USP34: variants seen among roughly 807,000 people sequenced by gnomAD.
USP34 encodes the protein ubiquitin specific peptidase 34.
A neutral mutation model predicts 460.3 loss-of-function variants in USP34; 70 were observed. The observed-to-expected ratio is 0.15, with a 90% confidence interval of 0.13 to 0.19. The LOEUF is 0.19. Ranked by LOEUF, USP34 falls within the 10% of genes least tolerant of loss-of-function variation. USP34 has a pLI of 1.00. For synonymous variants in USP34, 1,647 were observed against 1,405.3 expected, an observed-to-expected ratio of 1.17 and a Z score of -3.85; for missense variants, 3,985 against 4,236.2, an observed-to-expected ratio of 0.94 and a Z score of 1.65.
chr2:61,189,484 T>C (rs955556201), intron 78 of USP34: 4 of 26,130 alleles, frequency 1.5e-4, no homozygotes, highest in Non-Finnish European at 2.5e-4. Flanking sequence ...ATGTTGGCCA[T>C]TGAGATGGTC....
intron 1 of USP34, among the ~76,000 whole-genome samples, chr2:61,441,333 A>G (rs1694957628): frequency 6.6e-6 from 1 of 152,026 alleles, no homozygotes. Flanking sequence ...TCACCCAGGC[A>G]GGTTAAACCT....
chr2:61,229,761 G>T (rs1687838210), intron 58 of USP34, 128 bp from the exon 59 acceptor site: 1 of 733,170 alleles, frequency 1.4e-6, no homozygotes, highest in African/African-American at 1.8e-5. Flanking sequence ...GTATTCTGGA[G>T]CTCTTCTGGA....
At chr2:61,251,403 A>G (rs984890770) in intron 48 of USP34, among the ~76,000 whole-genome samples, 3 of 152,216 alleles carry the variant, frequency 2.0e-5, no homozygotes, top group African/African-American at 7.2e-5. Flanking sequence ...ATTGTAGAAA[A>G]TATTGTTTAA....
At chr2:61,394,760 A>T in intron 5 of USP34, 93 bp downstream of exon 5, 2 of 1,055,418 alleles carry the variant, frequency 1.9e-6, no homozygotes, top group Non-Finnish European at 2.5e-6. Context: ...CATGCAAATC[A>T]TTCAAAACCT....
chr2:61,443,605 G>T (rs1017386577), intron 1 of USP34, among the ~76,000 whole-genome samples: 2 of 152,096 alleles, frequency 1.3e-5, no homozygotes, highest in Non-Finnish European at 2.9e-5. Context: ...TTTCAACTAT[G>T]TGATGTAGTA....
intron 6 of USP34, among the ~76,000 whole-genome samples, chr2:61,381,850 G>A (rs1572986642): frequency 6.6e-6 from 1 of 152,130 alleles, no homozygotes; most frequent in East Asian, 1.9e-4. Context: ...ATTTGCCAGT[G>A]CCATTTAAGT....
intron 41 of USP34, among the ~76,000 whole-genome samples, chr2:61,270,745 A>G (rs1258578489): frequency 3.9e-5 from 6 of 152,058 alleles, no homozygotes; most frequent in East Asian, 1.9e-4. Flanking sequence ...CCAGTTTACA[A>G]TATTTTATTA....
rs1050339096 is a variant in USP34, at chr2:61,364,943, A to G, written c.1251+5378T>C. Among the ~76,000 whole-genome samples, 4 of 151,558 alleles carry G rather than the reference A, an allele frequency of 2.6e-5. No individual in the cohort carries two copies. In the East Asian group the frequency reaches 5.8e-4, roughly 22 times the overall value. On this transcript the variant is annotated intron_variant, in intron 10 of 79. Coordinates refer to ENST00000398571, the MANE Select transcript of USP34 (RefSeq NM_014709.4). ...AGACTCTGTCTCAAAAAAATAATTT[A>G]AAAATATAAATAAATAAATAAATAA...
chr2:61,374,131 G>A (rs1409760251), intron 8 of USP34, among the ~76,000 whole-genome samples: 1 of 150,090 alleles, frequency 6.7e-6, no homozygotes, highest in Admixed American at 6.6e-5. Flanking sequence ...ACTTCAGCCT[G>A]GGCAATAGAG....
In USP34 at chr2:61,375,768, C is replaced by CAAAAAA. The variant is rs56304309; in HGVS notation, c.1076+2589_1076+2594dup. ...TGGGTGACAGACCAAGACTCTGTCT[C>CAAAAAA]AAAAAAAAAAAAAAAAAAAAAAAAA... On this transcript the variant is annotated intron_variant, in intron 8 of 79. Transcript: ENST00000398571. 7.3e-4 allele frequency among the ~76,000 whole-genome samples: 59 copies of CAAAAAA among 80,864 alleles called. 3 individuals are homozygous for CAAAAAA. Among genetic ancestry groups the CAAAAAA allele is most frequent in the African/African-American group, 2.5e-3 (57 of 23,188 alleles). 53.0% of individuals were successfully genotyped at this position (80,864 alleles called of 152,430 possible).
At chr2:61,334,080 A>AT (rs945950250) in intron 18 of USP34, 109 bp from the exon 19 acceptor site, 17 of 662,996 alleles carry the variant, frequency 2.6e-5, no homozygotes, top group Non-Finnish European at 3.0e-5. Flanking sequence ...GCATAGAGAC[A>AT]TATTATTACA....
intron 6 of USP34, among the ~76,000 whole-genome samples, chr2:61,382,040 T>C (rs537832762): frequency 6.6e-6 from 1 of 152,318 alleles, no homozygotes; most frequent in South Asian, 2.1e-4. Flanking sequence ...TTATTTTCAC[T>C]TACATTCATC....
At chr2:61,451,220 CAAAAAAAAAA>C (rs70963432) in intron 1 of USP34, among the ~76,000 whole-genome samples, 1,625 of 50,842 alleles carry the variant, frequency 0.032, 62 homozygotes, top group East Asian at 0.059. Flanking sequence ...GGCTTCATCT[CAAAAAAAAAA>C]AAAAAAAAAA....
rs1003224694 is a variant in USP34, at chr2:61,244,749, T to G, written c.6627+461A>C. Among the ~76,000 whole-genome samples the G allele has an allele frequency of 3.3e-5, 5 of 152,204 alleles. No individual in the cohort carries two copies. In the East Asian group the frequency reaches 7.7e-4, roughly 23 times the overall value. ...CACTGAAAGAACAATCCTTTAAAAC[T>G]TAGCTCAAGCCAACTTCCTTGCCAA... On this transcript the variant is annotated intron_variant, in intron 51 of 79. Transcript: ENST00000398571.
At chr2:61,314,550 A>C (rs750921384) in intron 25 of USP34, 35 bp downstream of exon 25, 2 of 1,396,582 alleles carry the variant, frequency 1.4e-6, no homozygotes, top group South Asian at 4.1e-5. Flanking sequence ...ATAAAAATGA[A>C]ATTCATTCTA....
chr2:61,258,600 T>C (rs1347439646), intron 44 of USP34, among the ~76,000 whole-genome samples: 1 of 151,898 alleles, frequency 6.6e-6, no homozygotes, highest in East Asian at 1.9e-4. Context: ...AGCAGGGTGA[T>C]GGGCTCCAAA....
chr2:61,325,434 T>A lies in USP34; in HGVS notation c.2954A>T (p.Gln985Leu). 5 of 1,553,646 alleles carry A rather than the reference T, an allele frequency of 3.2e-6. No homozygotes were observed. Among genetic ancestry groups the A allele is most frequent in the Non-Finnish European group, 4.3e-6 (5 of 1,159,682 alleles). ...HALYSHSAEV[Q>L]VRLQFLTCVF... is the part of the protein sequence containing the mutation. The stretch of plus-strand genomic sequence containing the variant: ...ACAAGTCAAGAATTGAAGACGAACT[T>A]GAACTTCAGCACTATGGCTGTACCT... The change falls in exon 21 of 80, where the codon CAA becomes CTA. Residue 985 changes from glutamine to leucine, a missense_variant. By Grantham distance (113) the Gln-to-Leu change is moderately radical (BLOSUM62 -2). Coordinates refer to ENST00000398571, the MANE Select transcript of USP34 (RefSeq NM_014709.4).
Position 61,348,595 on chromosome 2 carries a change from G to C in USP34, c.1675-115C>G, listed in dbSNP as rs1341112831. 3.4e-6 allele frequency: 5 copies of C among 1,449,536 alleles called. No homozygotes were observed. In the East Asian group the frequency reaches 7.2e-5, roughly 21 times the overall value. 89.8% of individuals were successfully genotyped at this position (1,449,536 alleles called of 1,614,324 possible). On this transcript the variant is annotated intron_variant, in intron 14 of 79. Transcript: ENST00000398571. ...GCTGCCAGTCTTGTTATACTCCTTT[G>C]AACAATACAAAATGGAATTAAAAAC...
intron 19 of USP34, among the ~76,000 whole-genome samples, chr2:61,332,414 C>T (rs1344767587): frequency 2.0e-5 from 3 of 151,898 alleles, no homozygotes; most frequent in African/African-American, 7.2e-5. Flanking sequence ...GTGAATTTTC[C>T]TTAATTAAGC....
Sources: allele counts gnomAD v4.1 joint callset (sites outside exome capture counted in the v4.1 genomes callset), GRCh38; gene constraint gnomAD v4.1.1; transcripts MANE v1.5; gene names NCBI Gene and HGNC (gene_info 2026-07-23, HGNC 2026-07-21).